Variants in LPCAT2 observed in about 807,000 individuals in gnomAD.
The protein encoded by LPCAT2 is lysophosphatidylcholine acyltransferase 2.
LPCAT2 carries 58 observed loss-of-function variants against 64.7 expected under a neutral mutation model. That is an observed-to-expected ratio of 0.90 (90% CI 0.73 to 1.12). LPCAT2 has a LOEUF of 1.12. LPCAT2 is among the 50% of genes most tolerant of loss of function. The pLI is 0.00. For missense variants in LPCAT2, 579 were observed against 669.8 expected (o/e 0.86, Z 1.50); for synonymous variants, 252 against 245.3 (o/e 1.03, Z -0.26).
rs144099374 is a variant in LPCAT2 at position 55,510,338 on chromosome 16, G to A, written c.171+986G>A. Among the ~76,000 whole-genome samples the A allele has an allele frequency of 3.4e-3, 512 of 151,096 alleles. 4 individuals are homozygous for A. The highest frequency in any genetic ancestry group is 7.9e-3 in the South Asian group (38 of 4,792). Reference sequence around the variant, plus strand: ...CTTTCCTTTCCTTTTTCTTGTAAAGGGTTCCTTTTACCATTGGCAGTTGCA... The same window carrying A: ...CTTTCCTTTCCTTTTTCTTGTAAAGAGTTCCTTTTACCATTGGCAGTTGCA... On this transcript the variant is annotated intron_variant, in intron 1 of 13. Coordinates refer to ENST00000262134, the MANE Select transcript of LPCAT2 (RefSeq NM_017839.5).
chr16:55,531,447 G>T (rs988972712), intron 4 of LPCAT2, among the ~76,000 whole-genome samples: 1 of 152,122 alleles, frequency 6.6e-6, no homozygotes, highest in African/African-American at 2.4e-5. Flanking sequence ...AAGTAAACAT[G>T]AAGCACATTG....
intron 2 of LPCAT2, among the ~76,000 whole-genome samples, chr16:55,527,567 A>C (rs780078438): frequency 6.6e-6 from 1 of 151,346 alleles, no homozygotes; most frequent in Non-Finnish European, 1.5e-5. Flanking sequence ...GCTTATTCAC[A>C]TACTGAGATA....
chr16:55,533,406 G>GT (rs11335464), intron 6 of LPCAT2, among the ~76,000 whole-genome samples: 2,895 of 96,470 alleles, frequency 0.03, 39 homozygotes, highest in African/African-American at 0.044. Context: ...TGTTTTTCGG[G>GT]TTTTTTTTTT....
At chr16:55,517,959 C>T (rs146054353) in intron 1 of LPCAT2, among the ~76,000 whole-genome samples, 10 of 152,174 alleles carry the variant, frequency 6.6e-5, no homozygotes, top group Middle Eastern at 3.4e-3. Context: ...CTAGCAAGGG[C>T]GCTTAGGCCA....
intron 11 of LPCAT2, chr16:55,551,336 A>T (rs1963515808): frequency 3.3e-5 from 1 of 30,188 alleles, no homozygotes; most frequent in Non-Finnish European, 8.5e-5. Context: ...ATATCATATC[A>T]TATCATATAT....
At position 55,527,494 on chromosome 16, in the gene LPCAT2, A is replaced by AG. The variant is rs1298299208; in HGVS notation, c.312-883_312-882insG. On this transcript the variant is annotated intron_variant, in intron 2 of 13. Coordinates refer to ENST00000262134, the MANE Select transcript of LPCAT2 (RefSeq NM_017839.5). The stretch of plus-strand genomic sequence containing the variant: ...AACTCCATCTCAAAAAAAAAAAAAA[A>AG]AAAGCTCTCATTAGATACCTCCTGG... Among the ~76,000 whole-genome samples, 313 of 151,828 alleles carry AG rather than the reference A, an allele frequency of 2.1e-3. 1 individual carries two copies. The highest frequency in any genetic ancestry group is 7.3e-3 in the African/African-American group (302 of 41,372).
intron 13 of LPCAT2, among the ~76,000 whole-genome samples, chr16:55,580,880 C>T (rs529480936): frequency 2.6e-5 from 4 of 151,950 alleles, no homozygotes; most frequent in African/African-American, 9.7e-5. Flanking sequence ...CTAGGTTGCA[C>T]GTTCCTTATG....
intron 7 of LPCAT2, among the ~76,000 whole-genome samples, chr16:55,536,644 G>A (rs184440246): frequency 2.0e-5 from 3 of 152,182 alleles, no homozygotes; most frequent in Admixed American, 6.5e-5. Context: ...AATTTTTACA[G>A]ATAAATTATG....
chr16:55,531,864 GTAATTTATTAATTAGATTGAAATAT>G, intron 4 of LPCAT2, 25 bp from the exon 5 acceptor site: 1 of 1,168,606 alleles, frequency 8.6e-7, no homozygotes, highest in Non-Finnish European at 1.3e-6. Context: ...GAGTAAAGAG[GTAATTTATTAATTAGATTGAAATAT>G]TAAATCTATT....
chr16:55,514,842 T>C (rs1386507273), intron 1 of LPCAT2, among the ~76,000 whole-genome samples: 3 of 151,690 alleles, frequency 2.0e-5, no homozygotes, highest in Non-Finnish European at 4.4e-5. Flanking sequence ...AAAGAAAGTA[T>C]GGAGCAGGGT....
At chr16:55,564,290 T>A (rs577128577) in intron 11 of LPCAT2, among the ~76,000 whole-genome samples, 2 of 152,018 alleles carry the variant, frequency 1.3e-5, no homozygotes, top group African/African-American at 4.8e-5. Context: ...ATCTACAGAT[T>A]TAAAGCAATC....
intron 8 of LPCAT2, among the ~76,000 whole-genome samples, chr16:55,544,910 T>C (rs1409803798): frequency 6.6e-6 from 1 of 152,154 alleles, no homozygotes; most frequent in Admixed American, 6.5e-5. Context: ...CCATCTATAA[T>C]TGGGGGTAAT....
In LPCAT2 at chr16:55,583,118, G is replaced by A. The variant is rs184415413; in HGVS notation, c.*20G>A. On this transcript the variant is annotated 3_prime_UTR_variant, in exon 14 of 14. Coordinates refer to ENST00000262134, the MANE Select transcript of LPCAT2 (RefSeq NM_017839.5). ...GACTGAAAGCAGTATTTCCAATAAGGAAAACACAGTAGCTTTTGCTTGAAA... is the reference window on the plus strand; with the variant it reads ...GACTGAAAGCAGTATTTCCAATAAGAAAAACACAGTAGCTTTTGCTTGAAA... 1.1e-4 allele frequency: 174 copies of A among 1,586,350 alleles called. No individual in the cohort carries two copies. The African/African-American group carries it at 2.1e-3, about 20-fold the overall frequency.
chr16:55,510,815 T>A (rs1342664454), intron 1 of LPCAT2, among the ~76,000 whole-genome samples: 1 of 152,254 alleles, frequency 6.6e-6, no homozygotes, highest in Non-Finnish European at 1.5e-5. Flanking sequence ...TTAAATTTAG[T>A]CTGATTTAAT....
Position 55,545,183 on chromosome 16 carries a change from AT to A in LPCAT2, c.853-551del, listed in dbSNP as rs763843538. Among the ~76,000 whole-genome samples, 15 of 152,358 alleles carry A rather than the reference AT, an allele frequency of 9.8e-5. 1 individual carries two copies. Among genetic ancestry groups the A allele is most frequent in the Admixed American group, 5.2e-4 (8 of 15,302 alleles). ...AGAATTAAAAATGCTAAAGCAAAAA[AT>A]GGTGTTAAGCAAAAAAGCTGTAAAG... On this transcript the variant is annotated intron_variant, in intron 8 of 13. Coordinates refer to ENST00000262134, the MANE Select transcript of LPCAT2 (RefSeq NM_017839.5).
At chr16:55,562,113 A>G (rs1256780834) in intron 11 of LPCAT2, among the ~76,000 whole-genome samples, 1 of 152,016 alleles carries the variant, frequency 6.6e-6, no homozygotes, top group Non-Finnish European at 1.5e-5. Context: ...ACTCTGCCAC[A>G]TAGCAGTTCA....
chr16:55,537,183 A>G (rs1376186902), intron 7 of LPCAT2, among the ~76,000 whole-genome samples: 4 of 152,170 alleles, frequency 2.6e-5, no homozygotes, highest in South Asian at 2.1e-4. Flanking sequence ...ACTGAAATAC[A>G]TATTTGGTAT....
intron 11 of LPCAT2, chr16:55,566,716 T>C (rs1963701166): frequency 1.3e-6 from 2 of 1,561,258 alleles, no homozygotes; most frequent in African/African-American, 1.4e-5. Flanking sequence ...TTTCATACCA[T>C]CTCTAAGATT....
chr16:55,576,139 T>A (rs138353756), intron 12 of LPCAT2, among the ~76,000 whole-genome samples: 8 of 152,028 alleles, frequency 5.3e-5, no homozygotes, highest in Middle Eastern at 6.8e-3. Context: ...AGACCTTGGT[T>A]TGGGGAAGGG....
Sources: allele counts gnomAD v4.1 joint callset (sites outside exome capture counted in the v4.1 genomes callset), GRCh38; gene constraint gnomAD v4.1.1; transcripts MANE v1.5; gene names NCBI Gene and HGNC (gene_info 2026-07-23, HGNC 2026-07-21).